STKLD1: variants seen among roughly 807,000 people sequenced by gnomAD.
STKLD1 encodes serine/threonine kinase-like domain-containing protein STKLD1.
In STKLD1, 79 loss-of-function variants were observed where a neutral mutation model predicts 80.4. That is an observed-to-expected ratio of 0.98 (90% CI 0.82 to 1.19). The LOEUF is 1.19. STKLD1 is among the 50% of genes most tolerant of loss of function. The pLI is 0.00. For missense variants in STKLD1, 841 were observed against 856.0 expected (o/e 0.98, Z 0.22); for synonymous variants, 393 against 357.6 (o/e 1.10, Z -1.12).
chr9:133,399,581 G>A (rs1838643779), intron 11 of STKLD1, among the ~76,000 whole-genome samples: 1 of 152,166 alleles, frequency 6.6e-6, no homozygotes, highest in African/African-American at 2.4e-5. Flanking sequence ...GCCTTGCTTA[G>A]AAATGGGCTT....
Position 133,397,281 on chromosome 9 carries a change from GGCCA to G in STKLD1, c.987_990del (p.Ser330PhefsTer2), listed in dbSNP as rs782414345. On this transcript the variant is annotated frameshift_variant, in exon 10 of 18. Transcript: ENST00000371957. LOFTEE classifies it high-confidence loss of function. ...CCGACATGCTGTTAGAAGGCAACGT[GGCCA>G]GCATTTTAGGTGATGCTGGGGACAC... 6.2e-7 allele frequency: 1 copy of G among 1,613,590 alleles called. No homozygotes were observed. The highest frequency in any genetic ancestry group is 2.2e-5 in the East Asian group (1 of 44,882).
intron 8 of STKLD1, among the ~76,000 whole-genome samples, 155 bp from the exon 9 acceptor site, chr9:133,395,445 C>T (rs1564381522): frequency 6.6e-6 from 1 of 152,182 alleles, no homozygotes; most frequent in African/African-American, 2.4e-5. Context: ...GCTTGGGGCC[C>T]CTGGGGTCTC....
chr9:133,395,458 G>T, intron 8 of STKLD1, 142 bp from the exon 9 acceptor site: 1 of 826,456 alleles, frequency 1.2e-6, no homozygotes, highest in Non-Finnish European at 1.8e-6. Context: ...GGGGTCTCTG[G>T]GCATTCTTGT....
chr9:133,393,697 T>C (rs71483208), intron 7 of STKLD1, among the ~76,000 whole-genome samples: 17,628 of 151,230 alleles, frequency 0.12, 1,354 homozygotes, highest in African/African-American at 0.21. Flanking sequence ...GATGGATGGG[T>C]GGACAGACGG....
At chr9:133,379,315 A>G (rs1414477655) in intron 2 of STKLD1, among the ~76,000 whole-genome samples, 193 bp downstream of exon 2, 4 of 152,140 alleles carry the variant, frequency 2.6e-5, no homozygotes, top group Non-Finnish European at 5.9e-5. Context: ...ATGGGGAAGC[A>G]ATGCTAATTT....
chr9:133,388,177 C>T (rs1838304933), intron 5 of STKLD1, among the ~76,000 whole-genome samples: 1 of 152,140 alleles, frequency 6.6e-6, no homozygotes, highest in Admixed American at 6.5e-5. Flanking sequence ...TTTGGTTGGC[C>T]CCATGTTTAC....
In STKLD1 at chr9:133,403,964, C is replaced by T. The variant is rs782182563; in HGVS notation, c.1648C>T (p.Leu550=). The T allele has an allele frequency of 1.9e-6, 3 of 1,611,164 alleles. No individual in the cohort carries two copies. The highest frequency in any genetic ancestry group is 2.5e-6 in the Non-Finnish European group (3 of 1,178,690). The change falls in exon 16 of 18, where the codon CTG becomes TTG. Residue 550 remains leucine (L), a synonymous_variant. Coordinates refer to ENST00000371957, the MANE Select transcript of STKLD1 (RefSeq NM_153710.5). ...QQFEQVVALL[L]QSIRLCQDRA... ...GTTTGAACAAGTGGTGGCGCTGCTC[C>T]TGCAAAGCATCCGGCTGTGCCAGGA...
At chr9:133,397,461 C>A (rs1838591767) in intron 10 of STKLD1, among the ~76,000 whole-genome samples, 167 bp downstream of exon 10, 1 of 152,168 alleles carries the variant, frequency 6.6e-6, no homozygotes, top group South Asian at 2.1e-4. Flanking sequence ...TACACACTGC[C>A]CAGGACACCG....
chr9:133,405,349 C>T lies in STKLD1; in HGVS notation c.1971C>T (p.Ala657=). ...CCAGCCTGGTGAGTGACAGCAGCGCCTTCAGCAAACCAGGCCTCCCTCCAG... is the reference window on the plus strand; with the variant it reads ...CCAGCCTGGTGAGTGACAGCAGCGCTTTCAGCAAACCAGGCCTCCCTCCAG... ...FTSSLVSDSS[A]FSKPGLPPGG... is the part of the protein sequence containing the mutation. Residue 657 remains alanine (A), a synonymous_variant, in exon 18 of 18, where the codon GCC becomes GCT. Coordinates refer to ENST00000371957, the MANE Select transcript of STKLD1 (RefSeq NM_153710.5). 2 of 1,612,834 alleles carry T rather than the reference C, an allele frequency of 1.2e-6. No homozygotes were observed. The highest frequency in any genetic ancestry group is 1.7e-6 in the Non-Finnish European group (2 of 1,179,966).
chr9:133,390,875 G>A lies in STKLD1; in HGVS notation c.583+79G>A, dbSNP rs2130287815. Reference sequence around the variant, plus strand: ...GCGGCGTTGGCCACTCTGGGTGCTGGAGTGAGGCAACATCAAACAGCTGTT... The same window carrying A: ...GCGGCGTTGGCCACTCTGGGTGCTGAAGTGAGGCAACATCAAACAGCTGTT... On this transcript the variant is annotated intron_variant, in intron 7 of 17. Transcript: ENST00000371957. The surrounding 1 kb of genome is among the most constrained non-coding windows in gnomAD (Gnocchi z 5.1). 5 of 1,064,848 alleles carry A rather than the reference G, an allele frequency of 4.7e-6. No individual in the cohort carries two copies. Among genetic ancestry groups the A allele is most frequent in the Non-Finnish European group, 7.3e-6 (5 of 686,494 alleles). The allele number at this position is 1,064,848 out of a possible 1,614,324, so 66.0% of individuals were successfully genotyped here.
chr9:133,392,162 C>T (rs775953642), intron 7 of STKLD1, among the ~76,000 whole-genome samples: 5 of 151,666 alleles, frequency 3.3e-5, no homozygotes, highest in Admixed American at 6.6e-5. Flanking sequence ...CTGCAAGCTC[C>T]GCCTACCGGG....
At chr9:133,381,709 C>G (rs1838139823) in intron 2 of STKLD1, among the ~76,000 whole-genome samples, 1 of 152,202 alleles carries the variant, frequency 6.6e-6, no homozygotes, top group African/African-American at 2.4e-5. Flanking sequence ...CTCGGCCTCC[C>G]TAAGTGCTGG....
At chr9:133,386,688 A>G (rs1380608550) in intron 4 of STKLD1, among the ~76,000 whole-genome samples, 1 of 152,218 alleles carries the variant, frequency 6.6e-6, no homozygotes, top group Non-Finnish European at 1.5e-5. Flanking sequence ...AGGCTGGATG[A>G]CTTCTTGTCT....
At chr9:133,386,144 C>A (rs587703472) in intron 4 of STKLD1, among the ~76,000 whole-genome samples, 1 of 152,180 alleles carries the variant, frequency 6.6e-6, no homozygotes, top group Admixed American at 6.5e-5. Context: ...GTGTTGAACT[C>A]CTGACCTTAA....
At chr9:133,377,929 C>G (rs1172435849) in intron 1 of STKLD1, among the ~76,000 whole-genome samples, 1 of 152,172 alleles carries the variant, frequency 6.6e-6, no homozygotes, top group Non-Finnish European at 1.5e-5. Context: ...GAGACAGTGA[C>G]GGATCATCAG....
chr9:133,390,357 G>C lies in STKLD1; in HGVS notation c.468-324G>C, dbSNP rs984169828. Among the ~76,000 whole-genome samples the C allele has an allele frequency of 2.0e-5, 3 of 152,216 alleles. No individual in the cohort carries two copies. Among genetic ancestry groups the C allele is most frequent in the African/African-American group, 7.2e-5 (3 of 41,456 alleles). Reference sequence around the variant, plus strand: ...AAATCAATCCCCAGGCAAACGTGTAGCTGAGATATCTAAGGAGGTGAATGT... The same window carrying C: ...AAATCAATCCCCAGGCAAACGTGTACCTGAGATATCTAAGGAGGTGAATGT... On this transcript the variant is annotated intron_variant, in intron 6 of 17. Coordinates refer to ENST00000371957, the MANE Select transcript of STKLD1 (RefSeq NM_153710.5). This position sits in a 1 kb window ranked among gnomAD's most constrained non-coding sequence, Gnocchi z 5.1.
rs986528821 is a variant in STKLD1 at position 133,389,260 on chromosome 9, C to T, written c.397-266C>T. On this transcript the variant is annotated intron_variant, in intron 5 of 17. Coordinates refer to ENST00000371957, the MANE Select transcript of STKLD1 (RefSeq NM_153710.5). The surrounding 1 kb of genome is among the most constrained non-coding windows in gnomAD (Gnocchi z 6.4). Reference sequence around the variant, plus strand: ...CACAGAGTAGGGTGCAGGGATGGGGCCCCTGCAGCACCCAGGGTCTCTGGT... The same window carrying T: ...CACAGAGTAGGGTGCAGGGATGGGGTCCCTGCAGCACCCAGGGTCTCTGGT... The T allele has an allele frequency of 5.1e-6, 5 of 985,278 alleles. No homozygotes were observed. The highest frequency in any genetic ancestry group is 3.5e-5 in the African/African-American group (2 of 57,220). 61.0% of individuals were successfully genotyped at this position (985,278 alleles called of 1,614,324 possible).
rs900689599 is a variant in STKLD1 at position 133,379,246 on chromosome 9, C to T, written c.174+124C>T. 4.0e-6 allele frequency: 3 copies of T among 747,246 alleles called. No individual in the cohort carries two copies. In the African/African-American group the frequency reaches 5.3e-5, roughly 13 times the overall value. The allele number at this position is 747,246 out of a possible 1,614,324, so 46.3% of individuals were successfully genotyped here. A position where few individuals can be genotyped will look rare whatever the true frequency, so the allele number is the denominator to read the frequency against. ...GCAGCTGGATTCCTCGCTGCTGACA[C>T]TTGCGGAGACTAATCTGGTTGGGGT... On this transcript the variant is annotated intron_variant, in intron 2 of 17. Transcript: ENST00000371957.
chr9:133,386,059 C>T (rs1409358354), intron 4 of STKLD1, among the ~76,000 whole-genome samples: 1 of 152,078 alleles, frequency 6.6e-6, no homozygotes, highest in Non-Finnish European at 1.5e-5. Context: ...GCCAGGATTA[C>T]AGGCGCGTGC....
Sources: allele counts gnomAD v4.1 joint callset (sites outside exome capture counted in the v4.1 genomes callset), GRCh38; gene constraint gnomAD v4.1.1; non-coding constraint Gnocchi (gnomAD v3.1); transcripts MANE v1.5; gene names NCBI Gene and HGNC (gene_info 2026-07-23, HGNC 2026-07-21).